Variants in RBMS3 observed in about 807,000 individuals in gnomAD.
RBMS3 encodes the protein RNA binding motif single stranded interacting protein 3, also known as RNA-binding motif, single-stranded-interacting protein 3.
In RBMS3, 27 loss-of-function variants were observed where a neutral mutation model predicts 66.8. The ratio of observed to expected loss-of-function variants is 0.40; its 90% CI spans 0.30 to 0.56. RBMS3 has a LOEUF of 0.56. Ranked by LOEUF, RBMS3 falls within the 20% of genes least tolerant of loss-of-function variation. RBMS3 has a pLI of 0.40. For missense variants in RBMS3, 513 were observed against 549.5 expected (o/e 0.93, Z 0.66); for synonymous variants, 188 against 183.0 (o/e 1.03, Z -0.22).
chr3:29,699,505 A>C (rs55674573), intron 4 of RBMS3, among the ~76,000 whole-genome samples: 10,905 of 126,588 alleles, frequency 0.086, 1,328 homozygotes, highest in African/African-American at 0.28. Flanking sequence ...AATGAAAATC[A>C]ACTATAATTT....
At chr3:29,678,669 G>T (rs1056960067) in intron 4 of RBMS3, among the ~76,000 whole-genome samples, 1 of 152,062 alleles carries the variant, frequency 6.6e-6, no homozygotes, top group Non-Finnish European at 1.5e-5. Flanking sequence ...AAAATATTTT[G>T]TCACCCATGA....
At chr3:29,755,530 A>G (rs1441164541) in intron 5 of RBMS3, among the ~76,000 whole-genome samples, 2 of 152,198 alleles carry the variant, frequency 1.3e-5, no homozygotes, top group Admixed American at 6.5e-5. Flanking sequence ...GAACTGAGGT[A>G]AAGGCAAAGA....
chr3:29,365,370 G>A (rs2037840730), intron 1 of RBMS3, among the ~76,000 whole-genome samples: 1 of 151,550 alleles, frequency 6.6e-6, no homozygotes, highest in African/African-American at 2.4e-5. Flanking sequence ...TTCAATTTAA[G>A]AAATTCAGTG....
chr3:29,924,629 A>C (rs1372860231), intron 10 of RBMS3: 1 of 152,046 alleles, frequency 6.6e-6, no homozygotes, highest in Non-Finnish European at 1.5e-5. Context: ...TGAGGTCGGG[A>C]GTTCAAGACC....
intron 6 of RBMS3, among the ~76,000 whole-genome samples, chr3:29,829,013 T>C (rs1449236436): frequency 4.3e-5 from 2 of 46,856 alleles, no homozygotes; most frequent in Admixed American, 1.8e-4. Flanking sequence ...TTTCTTTCTT[T>C]CTTTCTTTCT....
chr3:29,606,674 G>GA (rs199537056), intron 4 of RBMS3, among the ~76,000 whole-genome samples: 7 of 151,216 alleles, frequency 4.6e-5, no homozygotes, highest in African/African-American at 1.5e-4. Flanking sequence ...GTGGACATGG[G>GA]AAAAAAAACA....
At chr3:29,987,450 C>CA (rs1287520455) in intron 12 of RBMS3, among the ~76,000 whole-genome samples, 1 of 151,990 alleles carries the variant, frequency 6.6e-6, no homozygotes, top group African/African-American at 2.4e-5. Flanking sequence ...TACAACTTAG[C>CA]AAAAAATGAT....
At chr3:29,330,470 C>T (rs2035589065) in intron 1 of RBMS3, among the ~76,000 whole-genome samples, 1 of 152,112 alleles carries the variant, frequency 6.6e-6, no homozygotes. Flanking sequence ...AAGAGCCCTA[C>T]AGTGAAATAC....
chr3:29,800,892 C>T (rs1005819130), intron 6 of RBMS3, among the ~76,000 whole-genome samples: 1 of 151,852 alleles, frequency 6.6e-6, no homozygotes, highest in Non-Finnish European at 1.5e-5. Flanking sequence ...ACCCTTTTGT[C>T]AGGAGAAAAA....
intron 3 of RBMS3, among the ~76,000 whole-genome samples, chr3:29,502,988 A>T (rs1472723633): frequency 1.3e-5 from 2 of 151,876 alleles, no homozygotes; most frequent in East Asian, 3.9e-4. Flanking sequence ...TAAGGTTAAG[A>T]CCTCTGAGGA....
intron 4 of RBMS3, among the ~76,000 whole-genome samples, chr3:29,630,996 G>A (rs2049263077): frequency 6.6e-6 from 1 of 151,726 alleles, no homozygotes; most frequent in African/African-American, 2.4e-5. Context: ...CCCATTATTG[G>A]GCAGTAGAAA....
intron 6 of RBMS3, among the ~76,000 whole-genome samples, chr3:29,826,146 A>G (rs148226904): frequency 6.6e-6 from 1 of 152,180 alleles, no homozygotes; most frequent in African/African-American, 2.4e-5. Context: ...TTAGATGGCT[A>G]TGAAAATGAA....
chr3:29,935,828 A>G (rs2061251681), intron 10 of RBMS3, among the ~76,000 whole-genome samples: 1 of 152,132 alleles, frequency 6.6e-6, no homozygotes, highest in Non-Finnish European at 1.5e-5. Context: ...ACCTCAAAAA[A>G]TGAAAATGTA....
chr3:29,700,094 G>A (rs7653723), intron 4 of RBMS3, among the ~76,000 whole-genome samples: 18,416 of 152,070 alleles, frequency 0.12, 2,435 homozygotes, highest in African/African-American at 0.33. Context: ...AGGCTATTTT[G>A]GCCACATCCC....
intron 3 of RBMS3, among the ~76,000 whole-genome samples, chr3:29,566,477 C>A (rs898429604): frequency 2.6e-5 from 4 of 152,098 alleles, no homozygotes; most frequent in Non-Finnish European, 4.4e-5. Flanking sequence ...CACTGTTCTA[C>A]ATGATACCTT....
chr3:29,629,118 G>C (rs1380827058), intron 4 of RBMS3, among the ~76,000 whole-genome samples: 2 of 152,028 alleles, frequency 1.3e-5, no homozygotes, highest in Non-Finnish European at 2.9e-5. Flanking sequence ...TAATTTCAGA[G>C]ACCATTAAAA....
chr3:29,973,821 T>G (rs1697380391), intron 12 of RBMS3, among the ~76,000 whole-genome samples: 1 of 151,908 alleles, frequency 6.6e-6, no homozygotes, highest in Non-Finnish European at 1.5e-5. Flanking sequence ...CACACTTCTT[T>G]CATGACCCTA....
At chr3:29,310,125 C>T (rs1403630100) in intron 1 of RBMS3, among the ~76,000 whole-genome samples, 1 of 151,578 alleles carries the variant, frequency 6.6e-6, no homozygotes, top group Non-Finnish European at 1.5e-5. Context: ...AGATCAAGGG[C>T]ACAGGTGGAG....
chr3:29,876,854 A>G (rs2059620536), intron 7 of RBMS3, among the ~76,000 whole-genome samples: 1 of 152,012 alleles, frequency 6.6e-6, no homozygotes, highest in Non-Finnish European at 1.5e-5. Flanking sequence ...TGTGGAGACC[A>G]ACAGGTACAA....
Sources: gnomAD v4.1 joint callset for allele counts (sites outside exome capture counted in the v4.1 genomes callset) on GRCh38, gnomAD v4.1.1 for gene constraint, MANE v1.5 for transcripts, NCBI Gene and HGNC (gene_info 2026-07-23, HGNC 2026-07-21) for gene names.